Variants in QTMAN observed in about 807,000 individuals in gnomAD.
QTMAN encodes the protein queuosine-tRNA mannosyltransferase.
At chr2:144,179,244 T>A in the QTMAN span, among the ~76,000 whole-genome samples, 1 of 152,116 alleles carries the variant, frequency 6.6e-6, no homozygotes, top group Non-Finnish European at 1.5e-5. Flanking sequence ...GACAGTAGAG[T>A]AGAAGGAGCA....
chr2:143,990,323 T>A, the QTMAN span, among the ~76,000 whole-genome samples: 1 of 152,166 alleles, frequency 6.6e-6, no homozygotes, highest in Non-Finnish European at 1.5e-5. Context: ...CAGCCAGGGT[T>A]GAGACCACTG....
chr2:143,981,389 C>T, the QTMAN span, among the ~76,000 whole-genome samples: 39 of 151,730 alleles, frequency 2.6e-4, no homozygotes, highest in African/African-American at 8.5e-4. Context: ...TTATGATATG[C>T]CGTTCATCAA....
At chr2:144,110,685 C>CA in the QTMAN span, among the ~76,000 whole-genome samples, 2 of 142,338 alleles carry the variant, frequency 1.4e-5, no homozygotes, top group African/African-American at 5.6e-5. Flanking sequence ...ATCGACCCCC[C>CA]CCCAAAAAAA....
chr2:144,260,643 G>A, the QTMAN span, among the ~76,000 whole-genome samples: 1,151 of 151,708 alleles, frequency 7.6e-3, 10 homozygotes, highest in African/African-American at 0.026. Flanking sequence ...AAGTAAAATA[G>A]ACATTAAACT....
At chr2:143,984,648 C>G in the QTMAN span, among the ~76,000 whole-genome samples, 6 of 152,340 alleles carry the variant, frequency 3.9e-5, no homozygotes, top group Non-Finnish European at 8.8e-5. Flanking sequence ...TTGGCTCACC[C>G]TGCTCCCTAT....
the QTMAN span, among the ~76,000 whole-genome samples, chr2:143,953,959 A>G: frequency 1.3e-5 from 2 of 151,954 alleles, no homozygotes; most frequent in Non-Finnish European, 2.9e-5. Context: ...AATGAAAAGT[A>G]TTTACTTTGA....
the QTMAN span, chr2:143,938,919 G>A: frequency 2.6e-5 from 4 of 152,348 alleles, no homozygotes; most frequent in South Asian, 4.1e-4. Context: ...GGTATACACA[G>A]GGTAAGAACA....
chr2:144,091,669 T>C, the QTMAN span, among the ~76,000 whole-genome samples: 2 of 152,172 alleles, frequency 1.3e-5, no homozygotes, highest in African/African-American at 4.8e-5. Context: ...GATCCCGCTA[T>C]TCCACTCCTA....
chr2:144,174,643 TC>T, the QTMAN span, among the ~76,000 whole-genome samples: 2 of 152,104 alleles, frequency 1.3e-5, no homozygotes, highest in Non-Finnish European at 2.9e-5. Flanking sequence ...GGTAACCAAA[TC>T]ACTGGGGCAG....
the QTMAN span, chr2:144,128,023 C>G: frequency 6.6e-6 from 1 of 152,032 alleles, no homozygotes; most frequent in Admixed American, 6.6e-5. Context: ...AGAGGCAGAA[C>G]AGGAGTGTTG....
chr2:144,324,216 T>C, the QTMAN span, among the ~76,000 whole-genome samples: 5 of 152,222 alleles, frequency 3.3e-5, no homozygotes, highest in Admixed American at 2.6e-4. Flanking sequence ...GTATTATTTG[T>C]ATATAAATAA....
chr2:144,221,309 TG>T, the QTMAN span, among the ~76,000 whole-genome samples: 1 of 152,196 alleles, frequency 6.6e-6, no homozygotes. Context: ...AAATCTTTAC[TG>T]CAGTCTTTCC....
At chr2:144,265,705 T>C in the QTMAN span, among the ~76,000 whole-genome samples, 1 of 151,868 alleles carries the variant, frequency 6.6e-6, no homozygotes, top group Non-Finnish European at 1.5e-5. Context: ...AACAAAAAAA[T>C]AAAAATAAAA....
At chr2:144,217,526 A>G in the QTMAN span, among the ~76,000 whole-genome samples, 1 of 152,182 alleles carries the variant, frequency 6.6e-6, no homozygotes, top group Admixed American at 6.5e-5. Flanking sequence ...ACAATATTTA[A>G]TAATGCCTCC....
chr2:144,284,579 T>C, the QTMAN span, among the ~76,000 whole-genome samples: 1 of 152,152 alleles, frequency 6.6e-6, no homozygotes, highest in African/African-American at 2.4e-5. Context: ...ATAACATGTA[T>C]GTCACTTCTA....
the QTMAN span, among the ~76,000 whole-genome samples, chr2:144,196,241 ACACACG>A: frequency 6.6e-6 from 1 of 150,908 alleles, no homozygotes; most frequent in African/African-American, 2.4e-5. Context: ...ACACACACAC[ACACACG>A]AAATATATAT....
the QTMAN span, among the ~76,000 whole-genome samples, chr2:144,324,852 T>C: frequency 6.7e-6 from 1 of 149,768 alleles, no homozygotes; most frequent in Admixed American, 6.6e-5. Flanking sequence ...TTGCTTCCAT[T>C]TAAAAAAAAA....
the QTMAN span, among the ~76,000 whole-genome samples, chr2:144,167,552 T>G: frequency 6.6e-6 from 1 of 152,142 alleles, no homozygotes; most frequent in South Asian, 2.1e-4. Context: ...CCCATGCTGT[T>G]CTCGTGATAA....
At chr2:144,022,814 G>T in the QTMAN span, among the ~76,000 whole-genome samples, 1 of 151,452 alleles carries the variant, frequency 6.6e-6, no homozygotes, top group African/African-American at 2.4e-5. Flanking sequence ...TGCCCTCCTC[G>T]GCCTCCCAAA....
Sources: gnomAD v4.1 joint callset for allele counts (sites outside exome capture counted in the v4.1 genomes callset) on GRCh38, gnomAD v4.1.1 for gene constraint, MANE v1.5 for transcripts, NCBI Gene and HGNC (gene_info 2026-07-23, HGNC 2026-07-21) for gene names.